ADAMTS12: variants seen among roughly 807,000 people sequenced by gnomAD.
ADAMTS12 encodes the protein ADAM metallopeptidase with thrombospondin type 1 motif 12, also known as A disintegrin and metalloproteinase with thrombospondin motifs 12.
ADAMTS12 carries 118 observed loss-of-function variants against 167.8 expected under a neutral mutation model. That is an observed-to-expected ratio of 0.70 (90% CI 0.61 to 0.82). ADAMTS12 has a LOEUF of 0.82. Among genes scored for constraint, ADAMTS12 ranks in the 40% least tolerant of loss-of-function variants. The probability of loss-of-function intolerance (pLI) is 0.00; values close to 1 mark genes in which losing one functional copy is unlikely to be tolerated. For missense variants in ADAMTS12, 1,916 were observed against 1,998.8 expected, an observed-to-expected ratio of 0.96 and a Z score of 0.79; for synonymous variants, 704 against 716.9, an observed-to-expected ratio of 0.98 and a Z score of 0.29.
chr5:33,608,765 G>A (rs1004701934), intron 16 of ADAMTS12, among the ~76,000 whole-genome samples: 2 of 152,132 alleles, frequency 1.3e-5, no homozygotes, highest in African/African-American at 2.4e-5. Context: ...GCTTAGTCCC[G>A]GCCCTCCTAT....
At chr5:33,839,955 A>G (rs980936083) in intron 2 of ADAMTS12, among the ~76,000 whole-genome samples, 2 of 152,208 alleles carry the variant, frequency 1.3e-5, no homozygotes, top group Non-Finnish European at 2.9e-5. Context: ...CAAAAAGAAG[A>G]CGGTTTGGGC....
At chr5:33,645,147 A>T (rs140797101) in intron 9 of ADAMTS12, among the ~76,000 whole-genome samples, 3 of 7,806 alleles carry the variant, frequency 3.8e-4, no homozygotes, top group African/African-American at 5.4e-4. Context: ...TGCTTTATTT[A>T]TTATTATTAT....
chr5:33,730,224 T>TGGC, intron 3 of ADAMTS12, among the ~76,000 whole-genome samples: 1 of 152,134 alleles, frequency 6.6e-6, no homozygotes, highest in Non-Finnish European at 1.5e-5. Context: ...AGCATATGTG[T>TGGC]GGCATTGTAT....
intron 16 of ADAMTS12, among the ~76,000 whole-genome samples, chr5:33,598,860 C>G (rs771359259): frequency 3.9e-5 from 6 of 152,194 alleles, no homozygotes; most frequent in Non-Finnish European, 7.3e-5. Flanking sequence ...TGGCCTTGAA[C>G]TAAATGCAGA....
intron 16 of ADAMTS12, among the ~76,000 whole-genome samples, chr5:33,608,957 A>G (rs1280412959): frequency 2.0e-5 from 3 of 152,180 alleles, no homozygotes; most frequent in Non-Finnish European, 2.9e-5. Flanking sequence ...GGATGAGAGC[A>G]TTCATTTCTA....
intron 2 of ADAMTS12, among the ~76,000 whole-genome samples, chr5:33,773,767 G>A (rs1745824123): frequency 6.6e-6 from 1 of 152,156 alleles, no homozygotes; most frequent in Non-Finnish European, 1.5e-5. Flanking sequence ...TGCTTTTTGA[G>A]GGTGATTATG....
At chr5:33,850,188 C>T (rs559381772) in intron 2 of ADAMTS12, among the ~76,000 whole-genome samples, 5 of 152,106 alleles carry the variant, frequency 3.3e-5, no homozygotes, top group South Asian at 2.1e-4. Context: ...TCTAATGGTC[C>T]GTCACCTGCA....
intron 1 of ADAMTS12, among the ~76,000 whole-genome samples, chr5:33,883,714 T>C (rs1318719325): frequency 6.6e-6 from 1 of 152,106 alleles, no homozygotes; most frequent in Non-Finnish European, 1.5e-5. Flanking sequence ...TGGGGAAGAA[T>C]TGGAGTAGGG....
intron 3 of ADAMTS12, among the ~76,000 whole-genome samples, chr5:33,743,840 G>A (rs944335597): frequency 8.6e-5 from 13 of 151,886 alleles, no homozygotes; most frequent in African/African-American, 3.1e-4. Flanking sequence ...TACACCCTCA[G>A]GCCACAAGTC....
intron 23 of ADAMTS12, among the ~76,000 whole-genome samples, chr5:33,533,624 A>G (rs751110654): frequency 3.3e-5 from 5 of 152,332 alleles, no homozygotes; most frequent in Middle Eastern, 3.4e-3. Context: ...AGTAAGGCCA[A>G]TGAAAGCCAC....
intron 1 of ADAMTS12, among the ~76,000 whole-genome samples, chr5:33,886,656 A>C (rs1750648055): frequency 6.6e-6 from 1 of 152,140 alleles, no homozygotes; most frequent in Non-Finnish European, 1.5e-5. Flanking sequence ...CAATCAATGG[A>C]CTTAGTAATT....
At chr5:33,822,604 C>T (rs1362127762) in intron 2 of ADAMTS12, among the ~76,000 whole-genome samples, 8 of 152,038 alleles carry the variant, frequency 5.3e-5, no homozygotes, top group African/African-American at 1.9e-4. Flanking sequence ...TAAAAGAATC[C>T]TCAAATCCAT....
chr5:33,842,730 AG>A (rs1217098423), intron 2 of ADAMTS12, among the ~76,000 whole-genome samples: 1 of 152,222 alleles, frequency 6.6e-6, no homozygotes, highest in Non-Finnish European at 1.5e-5. Context: ...GAGACCCTGT[AG>A]GTGACCCATA....
At chr5:33,671,427 A>C (rs1035869363) in intron 5 of ADAMTS12, among the ~76,000 whole-genome samples, 1 of 152,192 alleles carries the variant, frequency 6.6e-6, no homozygotes, top group Non-Finnish European at 1.5e-5. Context: ...GGAGAAAATG[A>C]ATGAAGGGTA....
At chr5:33,772,237 C>G (rs1745764970) in intron 2 of ADAMTS12, among the ~76,000 whole-genome samples, 1 of 152,082 alleles carries the variant, frequency 6.6e-6, no homozygotes, top group Non-Finnish European at 1.5e-5. Flanking sequence ...CAAGAGCTAC[C>G]ATAAGTAATT....
intron 3 of ADAMTS12, among the ~76,000 whole-genome samples, chr5:33,727,935 A>G (rs1236631988): frequency 6.6e-6 from 1 of 152,198 alleles, no homozygotes; most frequent in African/African-American, 2.4e-5. Context: ...CACCTGTCAC[A>G]TTCACACTCT....
chr5:33,836,884 C>G (rs898009070), intron 2 of ADAMTS12, among the ~76,000 whole-genome samples: 4 of 151,964 alleles, frequency 2.6e-5, no homozygotes, highest in Admixed American at 2.6e-4. Context: ...AGAGAGAGGT[C>G]ATCTGGCCTC....
intron 2 of ADAMTS12, among the ~76,000 whole-genome samples, chr5:33,817,869 T>C (rs1475338332): frequency 6.6e-6 from 1 of 152,170 alleles, no homozygotes; most frequent in Non-Finnish European, 1.5e-5. Flanking sequence ...CATTTAACAT[T>C]ATATCATGTA....
chr5:33,745,368 T>C (rs1744743374), intron 3 of ADAMTS12, among the ~76,000 whole-genome samples: 1 of 152,206 alleles, frequency 6.6e-6, no homozygotes, highest in South Asian at 2.1e-4. Flanking sequence ...AGAGCTTAGA[T>C]AGTGAACACA....
Sources: gnomAD v4.1 joint callset for allele counts (sites outside exome capture counted in the v4.1 genomes callset) on GRCh38, gnomAD v4.1.1 for gene constraint, MANE v1.5 for transcripts, NCBI Gene and HGNC (gene_info 2026-07-23, HGNC 2026-07-21) for gene names.